Variants in CDH18 observed in about 807,000 individuals in gnomAD.
The protein encoded by CDH18 is cadherin 18.
CDH18 carries 31 observed loss-of-function variants against 67.9 expected under a neutral mutation model. That is an observed-to-expected ratio of 0.46 (90% CI 0.34 to 0.62). CDH18 has a LOEUF of 0.62. CDH18 is among the 20% of genes least tolerant of loss of function. The probability of loss-of-function intolerance (pLI) is 0.01; values close to 1 mark genes in which losing one functional copy is unlikely to be tolerated. For synonymous variants in CDH18, 362 were observed against 347.2 expected (o/e 1.04, Z -0.48); for missense variants, 890 against 975.5 (o/e 0.91, Z 1.17).
At chr5:19,772,410 T>A (rs1773832175) in intron 3 of CDH18, among the ~76,000 whole-genome samples, 1 of 152,024 alleles carries the variant, frequency 6.6e-6, no homozygotes, top group African/African-American at 2.4e-5. Flanking sequence ...TAAGCAAGTG[T>A]CAGTGAGAGA....
chr5:20,458,995 A>G (rs1751037153), intron 1 of CDH18, among the ~76,000 whole-genome samples: 1 of 151,852 alleles, frequency 6.6e-6, no homozygotes, highest in South Asian at 2.1e-4. Flanking sequence ...ATTTCCTAAA[A>G]AAAAGTGTAT....
At chr5:20,127,592 C>G (rs1445915399) in intron 2 of CDH18, among the ~76,000 whole-genome samples, 2 of 152,026 alleles carry the variant, frequency 1.3e-5, no homozygotes, top group African/African-American at 4.8e-5. Flanking sequence ...ATGAGCCAGT[C>G]ACAGAAGGGC....
intron 2 of CDH18, among the ~76,000 whole-genome samples, chr5:20,111,545 T>C (rs1163152187): frequency 4.7e-5 from 6 of 128,818 alleles, no homozygotes; most frequent in Admixed American, 1.6e-4. Context: ...CTTCCTTCTT[T>C]CTTTTTTTTT....
chr5:20,498,611 TA>T (rs1424229123), intron 1 of CDH18, among the ~76,000 whole-genome samples: 1 of 152,124 alleles, frequency 6.6e-6, no homozygotes. Flanking sequence ...TATCACTATA[TA>T]AATATAATGT....
chr5:20,430,410 C>G (rs1434876248), intron 1 of CDH18, among the ~76,000 whole-genome samples: 1 of 152,098 alleles, frequency 6.6e-6, no homozygotes, highest in Non-Finnish European at 1.5e-5. Context: ...CATCATGCTG[C>G]TCTGGGCTTC....
At chr5:20,419,316 G>A (rs548186110) in intron 1 of CDH18, among the ~76,000 whole-genome samples, 220 of 152,044 alleles carry the variant, frequency 1.4e-3, no homozygotes, top group South Asian at 6.0e-3. Flanking sequence ...TTTATTAGCA[G>A]CGTGAACACG....
chr5:20,521,043 A>C (rs1755711931), intron 1 of CDH18, among the ~76,000 whole-genome samples: 1 of 152,148 alleles, frequency 6.6e-6, no homozygotes, highest in South Asian at 2.1e-4. Flanking sequence ...AAAAATTTTA[A>C]TTAGTAAAAA....
intron 2 of CDH18, among the ~76,000 whole-genome samples, chr5:20,225,313 G>GT (rs1741529944): frequency 1.3e-5 from 2 of 152,006 alleles, no homozygotes; most frequent in South Asian, 2.1e-4. Flanking sequence ...TTTTGTCATT[G>GT]TTTTTTATGC....
intron 5 of CDH18, among the ~76,000 whole-genome samples, chr5:19,643,175 A>G (rs566128623): frequency 6.6e-6 from 1 of 152,206 alleles, no homozygotes; most frequent in Non-Finnish European, 1.5e-5. Context: ...ACTGTCACAA[A>G]ATAAATGATA....
chr5:20,085,799 T>C (rs1384671488), intron 2 of CDH18, among the ~76,000 whole-genome samples: 2 of 152,156 alleles, frequency 1.3e-5, no homozygotes, highest in Admixed American at 6.5e-5. Flanking sequence ...GCCCCCATGA[T>C]TCAATTACCT....
At chr5:19,788,786 C>T (rs1776071007) in intron 3 of CDH18, among the ~76,000 whole-genome samples, 1 of 152,122 alleles carries the variant, frequency 6.6e-6, no homozygotes, top group South Asian at 2.1e-4. Context: ...ATTATAGTAA[C>T]AATTTGAAAT....
At chr5:20,401,016 T>A (rs1745724289) in intron 1 of CDH18, among the ~76,000 whole-genome samples, 1 of 152,176 alleles carries the variant, frequency 6.6e-6, no homozygotes. Flanking sequence ...TTATTTATGT[T>A]CCCTGAAGAA....
At chr5:20,484,227 ATATCT>A (rs552049876) in intron 1 of CDH18, among the ~76,000 whole-genome samples, 80 of 152,164 alleles carry the variant, frequency 5.3e-4, no homozygotes, top group Non-Finnish European at 7.5e-4. Flanking sequence ...CTGCAATGTG[ATATCT>A]TATCACCTCA....
chr5:19,481,635 A>G (rs193228908), intron 12 of CDH18, among the ~76,000 whole-genome samples: 1 of 152,240 alleles, frequency 6.6e-6, no homozygotes, highest in African/African-American at 2.4e-5. Flanking sequence ...CAGCTTTGCC[A>G]TCTCCCACAA....
intron 2 of CDH18, among the ~76,000 whole-genome samples, chr5:19,897,057 A>C (rs531370550): frequency 1.2e-3 from 178 of 152,304 alleles, no homozygotes; most frequent in Middle Eastern, 3.4e-3. Context: ...GCAGAAAAGC[A>C]TATTAATCAT....
At chr5:19,726,976 A>G (rs934054110) in intron 4 of CDH18, among the ~76,000 whole-genome samples, 1 of 152,144 alleles carries the variant, frequency 6.6e-6, no homozygotes, top group African/African-American at 2.4e-5. Context: ...CCTTCTGTGA[A>G]CCAGGAAGTG....
chr5:20,128,283 T>C (rs963794764), intron 2 of CDH18, among the ~76,000 whole-genome samples: 3 of 152,098 alleles, frequency 2.0e-5, no homozygotes, highest in African/African-American at 7.2e-5. Context: ...AGAAAAGTTC[T>C]TTGAAAACAA....
At chr5:20,184,068 G>A (rs937229545) in intron 2 of CDH18, among the ~76,000 whole-genome samples, 3 of 151,836 alleles carry the variant, frequency 2.0e-5, no homozygotes, top group Non-Finnish European at 4.4e-5. Flanking sequence ...AGAACTCCAG[G>A]GCACTGAAAT....
At chr5:20,079,705 G>C (rs530907367) in intron 2 of CDH18, among the ~76,000 whole-genome samples, 6 of 152,222 alleles carry the variant, frequency 3.9e-5, no homozygotes, top group Non-Finnish European at 8.8e-5. Flanking sequence ...TGACCAACAA[G>C]TGGTCAAGAG....
Sources: allele counts gnomAD v4.1 joint callset (sites outside exome capture counted in the v4.1 genomes callset), GRCh38; gene constraint gnomAD v4.1.1; transcripts MANE v1.5; gene names NCBI Gene and HGNC (gene_info 2026-07-23, HGNC 2026-07-21).